IQSEC1: variants seen among roughly 807,000 people sequenced by gnomAD.
The protein encoded by IQSEC1 is IQ motif and SEC7 domain-containing protein 1.
In IQSEC1, 31 loss-of-function variants were observed where a neutral mutation model predicts 91.0. The observed-to-expected ratio is 0.34, with a 90% CI of 0.26 to 0.46. The LOEUF (loss-of-function observed/expected upper bound fraction) is 0.46. Ranked by LOEUF, IQSEC1 falls within the 20% of genes least tolerant of loss-of-function variation. The pLI is 1.00. For missense variants in IQSEC1, 1,388 were observed against 1,575.6 expected, an observed-to-expected ratio of 0.88 and a Z score of 2.02; for synonymous variants, 699 against 662.6, an observed-to-expected ratio of 1.05 and a Z score of -0.84.
chr3:13,089,678 A>T (rs866578973), intron 2 of IQSEC1, among the ~76,000 whole-genome samples: 61 of 152,260 alleles, frequency 4.0e-4, no homozygotes, highest in African/African-American at 9.4e-4. Flanking sequence ...AGCCAGACAC[A>T]AAAGGACACA....
At chr3:13,148,974 T>C (rs910468190) in intron 2 of IQSEC1, among the ~76,000 whole-genome samples, 3 of 152,226 alleles carry the variant, frequency 2.0e-5, no homozygotes, top group East Asian at 1.9e-4. Flanking sequence ...TGGCAAGAGC[T>C]GGGAAGAACC....
chr3:13,073,193 G>A lies in IQSEC1; in HGVS notation c.-179C>T, dbSNP rs1265788751. The A allele has an allele frequency of 1.6e-5, 11 of 689,840 alleles. No homozygotes were observed. The highest frequency in any genetic ancestry group is 2.0e-5 in the Non-Finnish European group (8 of 399,764). 42.7% of individuals were successfully genotyped at this position (689,840 alleles called of 1,614,324 possible). ...AGGGAGGCTGGGGCGGGAGCGGGGG[G>A]CGGCGCCAGCAGCGGGCTGTGGAGG... On this transcript the variant is annotated 5_prime_UTR_variant, in exon 1 of 14. Coordinates refer to ENST00000613206, the MANE Select transcript of IQSEC1 (RefSeq NM_001134382.3).
intron 1 of IQSEC1, among the ~76,000 whole-genome samples, chr3:13,052,709 C>T (rs964043056): frequency 2.0e-5 from 3 of 152,138 alleles, no homozygotes; most frequent in Non-Finnish European, 4.4e-5. Context: ...TGGCATTTCA[C>T]GTTGTCCCTT....
intron 1 of IQSEC1, among the ~76,000 whole-genome samples, chr3:12,954,945 G>T (rs1043952136): frequency 6.6e-6 from 1 of 152,168 alleles, no homozygotes; most frequent in Admixed American, 6.5e-5. Flanking sequence ...TTCTTCTCCC[G>T]CAACTCCACA....
intron 1 of IQSEC1, among the ~76,000 whole-genome samples, chr3:13,072,291 C>T (rs778614030): frequency 9.2e-5 from 14 of 152,358 alleles, no homozygotes; most frequent in Admixed American, 2.6e-4. Flanking sequence ...CACAGTGCAG[C>T]GCCCAGAGAG....
At chr3:13,190,541 G>A (rs1694003703) in intron 1 of IQSEC1, among the ~76,000 whole-genome samples, 1 of 146,468 alleles carries the variant, frequency 6.8e-6, no homozygotes, top group African/African-American at 2.6e-5. Context: ...GGGTGACAGA[G>A]CAAGACCCTG....
intron 3 of IQSEC1, among the ~76,000 whole-genome samples, chr3:12,933,851 G>A (rs374336666): frequency 2.0e-5 from 3 of 152,246 alleles, no homozygotes; most frequent in African/African-American, 7.2e-5. Flanking sequence ...ATGTATTCAC[G>A]TGCTACACAG....
chr3:13,265,860 G>T (rs1388767676), intron 1 of IQSEC1, among the ~76,000 whole-genome samples: 1 of 147,016 alleles, frequency 6.8e-6, no homozygotes, highest in Non-Finnish European at 1.5e-5. Context: ...AGGCTGAGAA[G>T]GGCAGGCTTT....
chr3:12,922,365 G>T lies in IQSEC1; in HGVS notation c.1731-123C>A. ...CCGCCTCCTGGCAGGGAGAGCCCCT[G>T]CCTGACTCCGACCAATCAGCCAAGA... On this transcript the variant is annotated intron_variant, in intron 4 of 13. Coordinates refer to ENST00000613206, the MANE Select transcript of IQSEC1 (RefSeq NM_001134382.3). The surrounding 1 kb of genome is among the most constrained non-coding windows in gnomAD (Gnocchi z 5.1). The T allele has an allele frequency of 8.1e-7, 1 of 1,233,602 alleles. No individual in the cohort carries two copies. Among genetic ancestry groups the T allele is most frequent in the Non-Finnish European group, 1.1e-6 (1 of 925,576 alleles). The allele number at this position is 1,233,602 out of a possible 1,614,324, so 76.4% of individuals were successfully genotyped here. A position where few individuals can be genotyped will look rare whatever the true frequency, so the allele number is the denominator to read the frequency against.
At chr3:13,096,508 G>C (rs1186314163) in intron 2 of IQSEC1, among the ~76,000 whole-genome samples, 1 of 152,258 alleles carries the variant, frequency 6.6e-6, no homozygotes, top group African/African-American at 2.4e-5. Context: ...TAGAGGGCAA[G>C]ACGCTGACTT....
chr3:12,937,277 C>T (rs1040650612), intron 2 of IQSEC1, among the ~76,000 whole-genome samples: 4 of 152,192 alleles, frequency 2.6e-5, no homozygotes, highest in African/African-American at 9.7e-5. Flanking sequence ...TTGAGTGTCC[C>T]CAGTGTCTTG....
chr3:12,935,743 G>A lies in IQSEC1; in HGVS notation c.1273C>T (p.Pro425Ser), dbSNP rs766829615. 5 of 1,610,760 alleles carry A rather than the reference G, an allele frequency of 3.1e-6. No homozygotes were observed. Among genetic ancestry groups the A allele is most frequent in the Admixed American group, 3.3e-5 (2 of 60,026 alleles). ...CTGTCCAGGGGCCTGGGGGGCCGGGGCCGCAACTCAGGCTCCTCCCGGGGG... is the reference window on the plus strand; with the variant it reads ...CTGTCCAGGGGCCTGGGGGGCCGGGACCGCAACTCAGGCTCCTCCCGGGGG... ...SLPREEPELR[P>S]RPPRPLDSHL... Residue 425 changes from proline (P) to serine (S), a missense_variant, in exon 3 of 14, where the codon CCC becomes TCC. Coordinates refer to ENST00000613206, the MANE Select transcript of IQSEC1 (RefSeq NM_001134382.3). The surrounding 1 kb of genome is among the most constrained non-coding windows in gnomAD (Gnocchi z 8.0).
chr3:13,205,953 CCCAT>C (rs1187498679), intron 1 of IQSEC1, among the ~76,000 whole-genome samples: 1 of 150,100 alleles, frequency 6.7e-6, no homozygotes. Flanking sequence ...ACTCCACCCA[CCCAT>C]CCATCCCGCC....
chr3:13,183,059 G>C (rs1398805280), intron 1 of IQSEC1, among the ~76,000 whole-genome samples: 2 of 152,182 alleles, frequency 1.3e-5, no homozygotes, highest in Non-Finnish European at 2.9e-5. Flanking sequence ...AGCTACTCGG[G>C]AGGCTGAGGC....
At chr3:13,198,339 C>T (rs575193243) in intron 1 of IQSEC1, among the ~76,000 whole-genome samples, 8 of 152,196 alleles carry the variant, frequency 5.3e-5, no homozygotes, top group East Asian at 1.9e-4. Flanking sequence ...AATTCTGAAG[C>T]TTGGGATGGC....
At chr3:13,268,611 G>T (rs1695539082) in intron 1 of IQSEC1, among the ~76,000 whole-genome samples, 1 of 152,060 alleles carries the variant, frequency 6.6e-6, no homozygotes. Flanking sequence ...CCGTAAAAGG[G>T]CCCACCAAAA....
intron 1 of IQSEC1, among the ~76,000 whole-genome samples, chr3:13,229,908 T>G (rs4034195): frequency 6.6e-6 from 1 of 152,204 alleles, no homozygotes; most frequent in African/African-American, 2.4e-5. Flanking sequence ...AGAATAAAAA[T>G]AGCACTTATT....
At chr3:13,068,174 T>G (rs757576039) in intron 1 of IQSEC1, among the ~76,000 whole-genome samples, 1 of 152,224 alleles carries the variant, frequency 6.6e-6, no homozygotes, top group Non-Finnish European at 1.5e-5. Context: ...GGCCTTACGC[T>G]TCCTCTGAGG....
At chr3:13,020,881 T>G (rs1703366258) in intron 1 of IQSEC1, among the ~76,000 whole-genome samples, 2 of 152,158 alleles carry the variant, frequency 1.3e-5, no homozygotes, top group Admixed American at 1.3e-4. Context: ...TTCTGTAAGC[T>G]GTCACAAGTA....
Sources: gnomAD v4.1 joint callset for allele counts (sites outside exome capture counted in the v4.1 genomes callset) on GRCh38, gnomAD v4.1.1 for gene constraint, Gnocchi (gnomAD v3.1) non-coding constraint, MANE v1.5 for transcripts, NCBI Gene and HGNC (gene_info 2026-07-23, HGNC 2026-07-21) for gene names.